The following KCNMA1 variants were observed in gnomAD, a reference collection of about 807,000 sequenced individuals.
KCNMA1 encodes the protein Calcium-activated potassium channel subunit alpha-1.
Under a neutral mutation model 140.0 loss-of-function variants are expected in KCNMA1, and 29 were observed. The observed-to-expected ratio is 0.21, with a 90% CI of 0.15 to 0.28. KCNMA1 has a LOEUF of 0.28. Among genes scored for constraint, KCNMA1 ranks in the 10% least tolerant of loss-of-function variants. The pLI, the probability that KCNMA1 is intolerant of heterozygous loss-of-function variation, is 1.00. For synonymous variants in KCNMA1, 612 were observed against 611.9 expected (o/e 1.00, Z 0.00); for missense variants, 880 against 1,602.2 (o/e 0.55, Z 7.70).
chr10:77,605,232 C>T (rs1279139297), intron 1 of KCNMA1, among the ~76,000 whole-genome samples: 1 of 152,216 alleles, frequency 6.6e-6, no homozygotes, highest in Non-Finnish European at 1.5e-5. Flanking sequence ...TTGCTAGTTG[C>T]CAGGGACTGT....
chr10:77,403,576 T>G (rs2096357522), intron 2 of KCNMA1, among the ~76,000 whole-genome samples: 1 of 151,892 alleles, frequency 6.6e-6, no homozygotes, highest in East Asian at 1.9e-4. Context: ...TGATGGAGGG[T>G]GTGTGTGTGT....
rs56359933 is a variant in KCNMA1 at position 77,000,857 on chromosome 10, A to AATATATATATATATATAT, written c.2266+532_2266+549dup. Among the ~76,000 whole-genome samples the AATATATATATATATATAT allele has an allele frequency of 4.2e-3, 152 of 36,420 alleles. 4 individuals carry two copies. Among genetic ancestry groups the AATATATATATATATATAT allele is most frequent in the Non-Finnish European group, 5.5e-3 (96 of 17,578 alleles). The allele number at this position is 36,420 out of a possible 152,430, so 23.9% of individuals were successfully genotyped here. On this transcript the variant is annotated intron_variant, in intron 19 of 27. Coordinates refer to ENST00000286628, the MANE Select transcript of KCNMA1 (RefSeq NM_001161352.2). ...GGTTAGAGAGACATAGTAAAAAGAA[A>AATATATATATATATATAT]ATATATATATATATATATATATATA...
chr10:77,607,843 G>A (rs1000354008), intron 1 of KCNMA1, among the ~76,000 whole-genome samples: 9 of 152,106 alleles, frequency 5.9e-5, no homozygotes, highest in Non-Finnish European at 2.9e-5. Context: ...GTTTGTGGTC[G>A]TTACAGCAGC....
chr10:76,970,808 ATC>A (rs2075864242), intron 19 of KCNMA1: 1 of 152,872 alleles, frequency 6.5e-6, no homozygotes, highest in Non-Finnish European at 1.5e-5. Context: ...ATTGAATGAA[ATC>A]TCTGATGATG....
At chr10:77,481,946 T>A (rs1428940956) in intron 1 of KCNMA1, among the ~76,000 whole-genome samples, 5 of 152,136 alleles carry the variant, frequency 3.3e-5, no homozygotes, top group Non-Finnish European at 7.4e-5. Context: ...AGACAGTGGG[T>A]GAGGAAACAT....
intron 1 of KCNMA1, among the ~76,000 whole-genome samples, chr10:77,453,672 A>G (rs2154521129): frequency 6.6e-6 from 1 of 152,328 alleles, no homozygotes; most frequent in Non-Finnish European, 1.5e-5. Flanking sequence ...GGATTCCAGC[A>G]AGGCCAAGGA....
intron 16 of KCNMA1, among the ~76,000 whole-genome samples, chr10:77,022,400 T>C (rs1298787279): frequency 1.3e-5 from 2 of 152,300 alleles, no homozygotes; most frequent in Middle Eastern, 3.4e-3. Context: ...ACATATAAAT[T>C]ATCCTTTCTT....
At chr10:76,903,012 G>C (rs1020518921) in intron 25 of KCNMA1, 1 of 152,166 alleles carries the variant, frequency 6.6e-6, no homozygotes, top group Non-Finnish European at 1.5e-5. Context: ...TGGCCCGCTT[G>C]GCCTCTAAAG....
intron 1 of KCNMA1, among the ~76,000 whole-genome samples, chr10:77,595,324 G>A (rs1276687430): frequency 1.4e-5 from 2 of 138,806 alleles, no homozygotes; most frequent in African/African-American, 5.5e-5. Context: ...TCCAGCCTGG[G>A]TTACAGAGCA....
intron 1 of KCNMA1, chr10:77,634,384 C>A: frequency 1.0e-6 from 1 of 985,462 alleles, no homozygotes; most frequent in Non-Finnish European, 1.2e-6. Flanking sequence ...AGACTAAAGT[C>A]ATTCACTGTT....
chr10:77,472,310 CAGAG>C (rs1372728606), intron 1 of KCNMA1, among the ~76,000 whole-genome samples: 3 of 150,740 alleles, frequency 2.0e-5, no homozygotes, highest in Admixed American at 1.3e-4. Context: ...CACACACACA[CAGAG>C]AGCGTACATA....
intron 1 of KCNMA1, among the ~76,000 whole-genome samples, chr10:77,416,803 T>A (rs1280107663): frequency 6.6e-6 from 1 of 152,212 alleles, no homozygotes; most frequent in Non-Finnish European, 1.5e-5. Flanking sequence ...GGTGAGCATT[T>A]CACAGTGCAC....
chr10:77,499,616 T>C (rs1004305092), intron 1 of KCNMA1, among the ~76,000 whole-genome samples: 1 of 152,122 alleles, frequency 6.6e-6, no homozygotes, highest in African/African-American at 2.4e-5. Flanking sequence ...CAAGTTGTCA[T>C]TCATATTAAA....
chr10:77,246,823 A>G (rs148247194), intron 3 of KCNMA1, among the ~76,000 whole-genome samples: 439 of 152,272 alleles, frequency 2.9e-3, no homozygotes, highest in Admixed American at 3.8e-3. Flanking sequence ...TGCCTTGGCA[A>G]TTGTGCCCTT....
At chr10:77,263,753 C>G (rs1024920124) in intron 2 of KCNMA1, among the ~76,000 whole-genome samples, 1 of 152,112 alleles carries the variant, frequency 6.6e-6, no homozygotes, top group African/African-American at 2.4e-5. Flanking sequence ...ATCGGCTGTG[C>G]AGGTGCATGC....
intron 3 of KCNMA1, among the ~76,000 whole-genome samples, chr10:77,248,258 C>A (rs1218843716): frequency 1.3e-5 from 2 of 152,104 alleles, no homozygotes; most frequent in Non-Finnish European, 2.9e-5. Context: ...ACCTAGGGAG[C>A]CTGTTTTATA....
At position 76,889,644 on chromosome 10, in the gene KCNMA1, G is replaced by A. The variant is rs182678237; in HGVS notation, c.3343-75C>T. 38 of 1,136,244 alleles carry A rather than the reference G, an allele frequency of 3.3e-5. No individual in the cohort carries two copies. In the African/African-American group the frequency reaches 3.6e-4, roughly 11 times the overall value. The allele number at this position is 1,136,244 out of a possible 1,614,324, so 70.4% of individuals were successfully genotyped here. On this transcript the variant is annotated intron_variant, in intron 26 of 27. Coordinates refer to ENST00000286628, the MANE Select transcript of KCNMA1 (RefSeq NM_001161352.2). ...AAATCAAGGGACAGCAGGGAAACGGGTCTTTTCATCAAAGCTTGTTTTGGT... is the reference window on the plus strand; with the variant it reads ...AAATCAAGGGACAGCAGGGAAACGGATCTTTTCATCAAAGCTTGTTTTGGT...
intron 2 of KCNMA1, among the ~76,000 whole-genome samples, chr10:77,345,794 G>A (rs912833860): frequency 5.3e-5 from 8 of 152,174 alleles, no homozygotes; most frequent in South Asian, 2.1e-4. Context: ...CATTGAACAC[G>A]GCTTTGTGCT....
At chr10:77,029,742 T>C (rs2093775605) in intron 15 of KCNMA1, among the ~76,000 whole-genome samples, 1 of 151,956 alleles carries the variant, frequency 6.6e-6, no homozygotes, top group Non-Finnish European at 1.5e-5. Flanking sequence ...GGGAAAGAGC[T>C]TTCTAGGAAG....
Sources: allele counts gnomAD v4.1 joint callset (sites outside exome capture counted in the v4.1 genomes callset), GRCh38; gene constraint gnomAD v4.1.1; transcripts MANE v1.5; gene names NCBI Gene and HGNC (gene_info 2026-07-23, HGNC 2026-07-21).